The following AGBL1 variants were observed in gnomAD, a reference collection of about 807,000 sequenced individuals.
The protein encoded by AGBL1 is AGBL carboxypeptidase 1.
AGBL1 carries 130 observed loss-of-function variants against 118.9 expected under a neutral mutation model. The observed-to-expected ratio is 1.09, with a 90% CI of 0.95 to 1.26. The LOEUF (loss-of-function observed/expected upper bound fraction) is 1.26. Among genes scored for constraint, AGBL1 ranks in the 50% most tolerant of loss-of-function variants. AGBL1 has a pLI of 0.00. For synonymous variants in AGBL1, 555 were observed against 478.9 expected, an observed-to-expected ratio of 1.16 and a Z score of -2.08; for missense variants, 1,584 against 1,298.1, an observed-to-expected ratio of 1.22 and a Z score of -3.38.
At chr15:86,554,264 A>C in intron 20 of AGBL1, 97 bp from the exon 21 acceptor site, 4 of 1,058,810 alleles carry the variant, frequency 3.8e-6, no homozygotes, top group Non-Finnish European at 5.4e-6. Context: ...CGAGTATTTT[A>C]TATATAGATG....
chr15:86,312,001 C>G (rs2079928411), intron 17 of AGBL1: 2 of 152,214 alleles, frequency 1.3e-5, no homozygotes, highest in Admixed American at 1.3e-4. Context: ...TAGTAGAACC[C>G]AGATATGAAT....
chr15:86,133,683 T>C (rs991459594), intron 1 of AGBL1, among the ~76,000 whole-genome samples: 3 of 152,210 alleles, frequency 2.0e-5, no homozygotes, highest in Non-Finnish European at 2.9e-5. Context: ...AGGAGGATCA[T>C]TGATATCCTT....
chr15:86,588,794 A>C lies in AGBL1; in HGVS notation c.2994+34257A>C, dbSNP rs1367606346. On this transcript the variant is annotated intron_variant, in intron 21 of 22. Transcript: ENST00000614907. ...GGCAGCAAGAACTGAACAGAAACCC[A>C]TATTTATTGATAGTGACTCTTCCTC... 2.8e-4 allele frequency among the ~76,000 whole-genome samples: 42 copies of C among 152,140 alleles called. 1 individual carries two copies. Among genetic ancestry groups the C allele is most frequent in the Admixed American group, 2.7e-3 (41 of 15,272 alleles).
Position 86,097,921 on chromosome 15 carries a change from T to G in AGBL1, c.51+17898T>G, listed in dbSNP as rs1342145211. On this transcript the variant is annotated intron_variant, in intron 1 of 22. Transcript: ENST00000614907. ...CTGTTTTCCACAGTGGCTGTACTAA[T>G]TTACACTCCCACCAAATGCATATGA... Among the ~76,000 whole-genome samples the G allele has an allele frequency of 1.2e-4, 19 of 152,314 alleles. No individual in the cohort carries two copies. In the East Asian group the frequency reaches 3.5e-3, roughly 28 times the overall value.
intron 22 of AGBL1, among the ~76,000 whole-genome samples, chr15:86,710,410 A>C (rs60123080): frequency 1.3e-5 from 2 of 152,134 alleles, no homozygotes; most frequent in Non-Finnish European, 2.9e-5. Context: ...AAAATAATGA[A>C]TGACTGTGAA....
chr15:86,535,601 A>G (rs906941689), intron 19 of AGBL1, among the ~76,000 whole-genome samples: 1 of 152,166 alleles, frequency 6.6e-6, no homozygotes, highest in African/African-American at 2.4e-5. Context: ...TTCTGTTTAT[A>G]ACTCACACAA....
chr15:86,394,547 C>T (rs1449869060), intron 17 of AGBL1, among the ~76,000 whole-genome samples: 3 of 152,028 alleles, frequency 2.0e-5, no homozygotes, highest in Non-Finnish European at 1.5e-5. Context: ...AGTACAGTGG[C>T]CTAACCAAAT....
At chr15:86,830,435 C>T (rs889357856) in intron 22 of AGBL1, among the ~76,000 whole-genome samples, 16 of 152,096 alleles carry the variant, frequency 1.1e-4, no homozygotes, top group African/African-American at 3.6e-4. Context: ...AAGCATCTAC[C>T]ACCAAGGAGG....
intron 21 of AGBL1, among the ~76,000 whole-genome samples, chr15:86,631,527 T>TGC (rs1427004375): frequency 3.3e-5 from 5 of 152,158 alleles, no homozygotes. Context: ...CTAAAATACA[T>TGC]GTTTCTGACT....
At chr15:86,964,723 G>GT (rs1364601301) in intron 23 of AGBL1, among the ~76,000 whole-genome samples, 1 of 151,424 alleles carries the variant, frequency 6.6e-6, no homozygotes, top group Non-Finnish European at 1.5e-5. Flanking sequence ...GTGCAATGGT[G>GT]TTTTGCTGCA....
intron 6 of AGBL1, among the ~76,000 whole-genome samples, chr15:86,237,985 T>C (rs921198744): frequency 3.3e-5 from 5 of 152,198 alleles, no homozygotes; most frequent in African/African-American, 1.2e-4. Flanking sequence ...CTGTGTGCCC[T>C]TGAGGTTTGA....
chr15:86,853,259 C>A lies in AGBL1; in HGVS notation c.3159-53828C>A, dbSNP rs180761294. On this transcript the variant is annotated intron_variant, in intron 22 of 22. Transcript: ENST00000614907. ...TGCCAATTAAAAGCACTGATTTAGACCTTTGACCAAAACAATCAAAATAGT... is the reference window on the plus strand; with the variant it reads ...TGCCAATTAAAAGCACTGATTTAGAACTTTGACCAAAACAATCAAAATAGT... Among the ~76,000 whole-genome samples, 610 of 152,270 alleles carry A rather than the reference C, an allele frequency of 4.0e-3. 2 individuals are homozygous for A. The highest frequency in any genetic ancestry group is 6.7e-3 in the Non-Finnish European group (457 of 68,024).
chr15:86,266,566 T>C (rs935795804), intron 12 of AGBL1, 109 bp downstream of exon 12: 5 of 812,890 alleles, frequency 6.2e-6, no homozygotes, highest in Non-Finnish European at 7.5e-6. Context: ...TAAAACAGCA[T>C]GATGAAAATC....
At chr15:87,029,665 AG>A (rs2081766920), downstream of AGBL1, among the ~76,000 whole-genome samples, 4 of 151,978 alleles carry the variant, frequency 2.6e-5, no homozygotes, top group Admixed American at 2.6e-4. Context: ...TTAAAGTCAA[AG>A]AGATAGTCTG....
At position 86,479,269 on chromosome 15, in the gene AGBL1, A is replaced by T. The variant is rs187912308; in HGVS notation, c.2556-43541A>T. ...AACTAAAGAGCTTCTGCACAGCAGA[A>T]GAAACAACCATCAGAGTGAACAGGC... On this transcript the variant is annotated intron_variant, in intron 18 of 22. Coordinates refer to ENST00000614907, the MANE Select transcript of AGBL1 (RefSeq NM_001386094.1). Among the ~76,000 whole-genome samples, 698 of 152,370 alleles carry T rather than the reference A, an allele frequency of 4.6e-3. 2 individuals are homozygous for T. The highest frequency in any genetic ancestry group is 8.2e-3 in the Non-Finnish European group (557 of 68,034).
intron 21 of AGBL1, among the ~76,000 whole-genome samples, chr15:86,612,741 T>C (rs1409558250): frequency 6.6e-6 from 1 of 152,192 alleles, no homozygotes; most frequent in East Asian, 1.9e-4. Context: ...TACTAGGTCT[T>C]TTCCAGAGTG....
intron 21 of AGBL1, among the ~76,000 whole-genome samples, chr15:86,638,457 T>C: frequency 6.6e-6 from 1 of 152,136 alleles, no homozygotes; most frequent in Admixed American, 6.6e-5. Flanking sequence ...ATATTATCAC[T>C]CTATCTTGTG....
intron 18 of AGBL1, among the ~76,000 whole-genome samples, chr15:86,463,712 C>G (rs544924246): frequency 6.6e-5 from 10 of 152,214 alleles, no homozygotes; most frequent in South Asian, 2.1e-4. Context: ...TTCCCCATTG[C>G]TTGTTTTTGT....
intron 16 of AGBL1, among the ~76,000 whole-genome samples, chr15:86,282,863 A>T (rs12102039): frequency 0.038 from 5,834 of 152,254 alleles, 376 homozygotes; most frequent in African/African-American, 0.13. Context: ...AGTCTCCTAT[A>T]ATATGGATTA....
Sources: gnomAD v4.1 joint callset for allele counts (sites outside exome capture counted in the v4.1 genomes callset) on GRCh38, gnomAD v4.1.1 for gene constraint, MANE v1.5 for transcripts, NCBI Gene and HGNC (gene_info 2026-07-23, HGNC 2026-07-21) for gene names.